The following ZFR variants were observed in gnomAD, a reference collection of about 807,000 sequenced individuals.
ZFR encodes zinc finger RNA-binding protein.
Under a neutral mutation model 130.7 loss-of-function variants are expected in ZFR, and 19 were observed. That is an observed-to-expected ratio of 0.15 (90% CI 0.10 to 0.21). ZFR has a LOEUF of 0.21. ZFR is among the 10% of genes least tolerant of loss of function. The probability of loss-of-function intolerance (pLI) is 1.00; values close to 1 mark genes in which losing one functional copy is unlikely to be tolerated. For synonymous variants in ZFR, 466 were observed against 456.9 expected, an observed-to-expected ratio of 1.02 and a Z score of -0.25; for missense variants, 872 against 1,321.5, an observed-to-expected ratio of 0.66 and a Z score of 5.27.
intron 2 of ZFR, 26 bp from the exon 3 acceptor site, chr5:32,420,129 T>TATAATACAATTTTAATATCCAGG: frequency 6.8e-7 from 1 of 1,461,488 alleles, no homozygotes; most frequent in Non-Finnish European, 9.1e-7. Context: ...CAAGAATAAA[T>TATAATACAATTTTAATATCCAGG]ATAATACAAT....
intron 2 of ZFR, among the ~76,000 whole-genome samples, chr5:32,435,113 A>C (rs144205837): frequency 6.6e-6 from 1 of 152,238 alleles, no homozygotes; most frequent in East Asian, 1.9e-4. Context: ...GGATTGCTTC[A>C]GGTCAGGCTG....
chr5:32,426,157 C>T (rs899227542), intron 2 of ZFR, among the ~76,000 whole-genome samples: 1 of 152,056 alleles, frequency 6.6e-6, no homozygotes, highest in Non-Finnish European at 1.5e-5. Context: ...GATATGAAAT[C>T]ACTAGTAAGT....
intron 15 of ZFR, among the ~76,000 whole-genome samples, chr5:32,384,639 C>T (rs555127972): frequency 2.0e-5 from 3 of 152,220 alleles, no homozygotes; most frequent in Non-Finnish European, 4.4e-5. Context: ...CCATACTCAA[C>T]AAGATGTATA....
At chr5:32,356,230 A>C (rs1752304359) in intron 19 of ZFR, among the ~76,000 whole-genome samples, 1 of 152,196 alleles carries the variant, frequency 6.6e-6, no homozygotes, top group Admixed American at 6.5e-5. Flanking sequence ...CAAAGAAACA[A>C]GCAGGATGTT....
chr5:32,431,738 T>C (rs563114113), intron 2 of ZFR, among the ~76,000 whole-genome samples: 1 of 150,030 alleles, frequency 6.7e-6, no homozygotes, highest in Non-Finnish European at 1.5e-5. Context: ...ACTACTGACA[T>C]TTAAATGTCT....
intron 17 of ZFR, among the ~76,000 whole-genome samples, chr5:32,372,369 G>A (rs909420163): frequency 1.3e-5 from 2 of 152,080 alleles, no homozygotes; most frequent in African/African-American, 2.4e-5. Flanking sequence ...CTCTAGTGTC[G>A]GGGAGGCTGT....
At chr5:32,393,624 G>A (rs1021097400) in intron 11 of ZFR, among the ~76,000 whole-genome samples, 2 of 152,222 alleles carry the variant, frequency 1.3e-5, no homozygotes, top group South Asian at 2.1e-4. Flanking sequence ...TTACAGGTAT[G>A]AGCAACTGTG....
chr5:32,427,507 A>G (rs1180559946), intron 2 of ZFR, among the ~76,000 whole-genome samples: 1 of 152,212 alleles, frequency 6.6e-6, no homozygotes, highest in African/African-American at 2.4e-5. Flanking sequence ...AAATAAATGG[A>G]AAGACATCCC....
intron 8 of ZFR, 51 bp from the exon 9 acceptor site, chr5:32,400,254 T>C: frequency 7.6e-7 from 1 of 1,322,998 alleles, no homozygotes; most frequent in Non-Finnish European, 9.9e-7. Context: ...TATAAATATA[T>C]ATACCTGATA....
chr5:32,383,678 A>G (rs1294116522), intron 15 of ZFR: 1 of 444,558 alleles, frequency 2.2e-6, no homozygotes. Context: ...TAACCCCTGT[A>G]CTAACTCCCC....
intron 6 of ZFR, among the ~76,000 whole-genome samples, chr5:32,405,414 C>T (rs953931266): frequency 6.6e-6 from 1 of 152,142 alleles, no homozygotes; most frequent in African/African-American, 2.4e-5. Flanking sequence ...CATTAACCAC[C>T]CCCTTAAGGT....
intron 5 of ZFR, among the ~76,000 whole-genome samples, chr5:32,407,782 A>G (rs1203328243): frequency 6.6e-6 from 1 of 152,212 alleles, no homozygotes; most frequent in Non-Finnish European, 1.5e-5. Flanking sequence ...CATTGTTCAG[A>G]GACTCCAGTG....
At chr5:32,408,949 T>C (rs1048766016) in intron 5 of ZFR, among the ~76,000 whole-genome samples, 2 of 152,254 alleles carry the variant, frequency 1.3e-5, no homozygotes, top group Non-Finnish European at 2.9e-5. Context: ...TGTCTGGTTT[T>C]CCACGCATTT....
At chr5:32,415,503 TGTGTGTGTGTGTGCGCGC>T (rs1421622304) in intron 4 of ZFR, among the ~76,000 whole-genome samples, 6,752 of 115,668 alleles carry the variant, frequency 0.058, 534 homozygotes, top group African/African-American at 0.2. Context: ...TGTGTGTGTG[TGTGTGTGTGTGTGCGCGC>T]GCGCGCGCGC....
At chr5:32,415,852 T>C (rs17437200) in intron 4 of ZFR, among the ~76,000 whole-genome samples, 5,251 of 152,292 alleles carry the variant, frequency 0.034, 126 homozygotes, top group Non-Finnish European at 0.053. Context: ...ATGACTAAAT[T>C]AATAATCACT....
At chr5:32,402,685 G>C (rs1338082406) in intron 8 of ZFR, among the ~76,000 whole-genome samples, 1 of 151,832 alleles carries the variant, frequency 6.6e-6, no homozygotes, top group Non-Finnish European at 1.5e-5. Flanking sequence ...GACTGAGGTG[G>C]GCGGATCGCT....
chr5:32,357,172 G>A (rs1379346809), intron 19 of ZFR, among the ~76,000 whole-genome samples: 2 of 152,068 alleles, frequency 1.3e-5, no homozygotes, highest in African/African-American at 2.4e-5. Flanking sequence ...CTGTAGAGAC[G>A]GGGTATTTTC....
intron 19 of ZFR, among the ~76,000 whole-genome samples, chr5:32,360,425 AT>A (rs2111650921): frequency 6.6e-6 from 1 of 152,334 alleles, no homozygotes; most frequent in South Asian, 2.1e-4. Flanking sequence ...ACCACTGCCT[AT>A]TATGAATATT....
intron 17 of ZFR, among the ~76,000 whole-genome samples, chr5:32,370,624 A>C (rs534750770): frequency 6.6e-6 from 1 of 152,224 alleles, no homozygotes; most frequent in South Asian, 2.1e-4. Flanking sequence ...TGACCTTCCC[A>C]CCTTGGCTTC....
Sources: allele counts gnomAD v4.1 joint callset (sites outside exome capture counted in the v4.1 genomes callset), GRCh38; gene constraint gnomAD v4.1.1; transcripts MANE v1.5; gene names NCBI Gene and HGNC (gene_info 2026-07-23, HGNC 2026-07-21).